NTM: variants seen among roughly 807,000 people sequenced by gnomAD.
The protein encoded by NTM is neurotrimin.
Under a neutral mutation model 42.1 loss-of-function variants are expected in NTM, and 13 were observed. That is an observed-to-expected ratio of 0.31 (90% confidence interval 0.20 to 0.49). The LOEUF is 0.49. Ranked by LOEUF, NTM falls within the 20% of genes least tolerant of loss-of-function variation. NTM has a pLI of 0.99. For synonymous variants in NTM, 187 were observed against 179.2 expected, an observed-to-expected ratio of 1.04 and a Z score of -0.35; for missense variants, 373 against 452.8, an observed-to-expected ratio of 0.82 and a Z score of 1.60.
chr11:132,292,903 G>T (rs1482832780), intron 4 of NTM, among the ~76,000 whole-genome samples: 1 of 151,704 alleles, frequency 6.6e-6, no homozygotes, highest in Non-Finnish European at 1.5e-5. Context: ...TAAAAAGGTA[G>T]GAAGTTATGG....
At chr11:132,010,392 A>G (rs947579861) in intron 2 of NTM, among the ~76,000 whole-genome samples, 2 of 152,158 alleles carry the variant, frequency 1.3e-5, no homozygotes, top group Admixed American at 6.5e-5. Flanking sequence ...GATACAGTCT[A>G]AAGGTCAGTC....
chr11:132,200,844 G>A (rs1004786126), intron 3 of NTM, among the ~76,000 whole-genome samples: 5 of 152,298 alleles, frequency 3.3e-5, no homozygotes, highest in East Asian at 3.9e-4. Flanking sequence ...AGGGCAAGAG[G>A]AGAACATTAG....
chr11:132,017,747 C>G (rs149743618), intron 2 of NTM, among the ~76,000 whole-genome samples: 2 of 152,046 alleles, frequency 1.3e-5, no homozygotes, highest in East Asian at 3.9e-4. Flanking sequence ...AGAGAATTGC[C>G]ATCATGATAT....
chr11:132,159,068 C>T lies in NTM; in HGVS notation c.400+12554C>T, dbSNP rs184989993. Among the ~76,000 whole-genome samples the T allele has an allele frequency of 5.0e-3, 758 of 152,282 alleles. 1 individual carries two copies. The highest frequency in any genetic ancestry group is 9.1e-3 in the South Asian group (44 of 4,826). Reference sequence around the variant, plus strand: ...TAAATTAGTTGTATTTCAGAAAGATCTCTGGCATCAGAATGAAGGGTGGAT... The same window carrying T: ...TAAATTAGTTGTATTTCAGAAAGATTTCTGGCATCAGAATGAAGGGTGGAT... On this transcript the variant is annotated intron_variant, in intron 3 of 8. Transcript: ENST00000683400.
At chr11:131,934,796 AC>A (rs2059029783) in intron 2 of NTM, among the ~76,000 whole-genome samples, 1 of 151,898 alleles carries the variant, frequency 6.6e-6, no homozygotes, top group East Asian at 1.9e-4. Context: ...GAGAAGAGAG[AC>A]CCCTGTGTGT....
At chr11:131,932,879 C>T (rs1411111201) in intron 2 of NTM, among the ~76,000 whole-genome samples, 7 of 152,060 alleles carry the variant, frequency 4.6e-5, no homozygotes, top group African/African-American at 7.2e-5. Flanking sequence ...TTTAACTGCC[C>T]GGGACACACA....
rs180918250 is a variant in NTM at position 131,416,813 on chromosome 11, G to A, written c.82+45925G>A. Among the ~76,000 whole-genome samples the A allele has an allele frequency of 1.4e-4, 22 of 152,310 alleles. No homozygotes were observed. The East Asian group carries it at 3.5e-3, about 24-fold the overall frequency. ...AAACAGAATTTGAATTAAAGAGTGG[G>A]TTGGAAGATTGGGAGGAATGTTAGC... is the stretch of plus-strand genomic sequence containing the variant. On this transcript the variant is annotated intron_variant, in intron 1 of 8. Coordinates refer to ENST00000683400, the MANE Select transcript of NTM (RefSeq NM_001352005.2).
chr11:131,994,167 G>C (rs1326336101), intron 2 of NTM, among the ~76,000 whole-genome samples: 1 of 152,124 alleles, frequency 6.6e-6, no homozygotes, highest in Non-Finnish European at 1.5e-5. Flanking sequence ...ATTGGATTTG[G>C]CTAGTGACAA....
At chr11:132,310,592 C>A (rs144960997) in intron 6 of NTM, among the ~76,000 whole-genome samples, 1 of 151,962 alleles carries the variant, frequency 6.6e-6, no homozygotes, top group Non-Finnish European at 1.5e-5. Flanking sequence ...CTCAGGCTTG[C>A]GTAAAGGAGT....
chr11:131,638,019 A>G (rs1219600686), intron 1 of NTM, among the ~76,000 whole-genome samples: 1 of 152,134 alleles, frequency 6.6e-6, no homozygotes, highest in Non-Finnish European at 1.5e-5. Context: ...ACCAGGTCAC[A>G]TGGCTACACC....
intron 2 of NTM, among the ~76,000 whole-genome samples, chr11:132,137,106 A>C (rs1229730772): frequency 6.6e-6 from 1 of 152,234 alleles, no homozygotes; most frequent in Non-Finnish European, 1.5e-5. Context: ...TGTAACAATC[A>C]GTTTAATCAG....
intron 4 of NTM, among the ~76,000 whole-genome samples, chr11:132,252,576 A>G (rs2092063812): frequency 6.6e-6 from 1 of 152,242 alleles, no homozygotes; most frequent in African/African-American, 2.4e-5. Context: ...CCAGAGATGT[A>G]GATGGGTAGA....
chr11:131,937,489 C>T (rs1484628762), intron 2 of NTM, among the ~76,000 whole-genome samples: 1 of 152,080 alleles, frequency 6.6e-6, no homozygotes, highest in Non-Finnish European at 1.5e-5. Flanking sequence ...GGAGATGCAG[C>T]GATGCCTTCT....
chr11:131,759,035 C>T (rs897725460), intron 1 of NTM, among the ~76,000 whole-genome samples: 4 of 152,200 alleles, frequency 2.6e-5, no homozygotes, highest in African/African-American at 4.8e-5. Flanking sequence ...GAAGTTTGGT[C>T]TAGAGTCATC....
chr11:131,568,626 C>T (rs539074324), intron 1 of NTM, among the ~76,000 whole-genome samples: 1 of 152,320 alleles, frequency 6.6e-6, no homozygotes, highest in African/African-American at 2.4e-5. Flanking sequence ...TCAACACCAC[C>T]ACTGAGACAA....
At chr11:132,160,176 G>C (rs527813864) in intron 3 of NTM, among the ~76,000 whole-genome samples, 4 of 152,216 alleles carry the variant, frequency 2.6e-5, no homozygotes, top group Non-Finnish European at 4.4e-5. Flanking sequence ...GCAGCATGCT[G>C]CCCATTTGGG....
At chr11:131,494,274 C>A (rs1955105363) in intron 1 of NTM, among the ~76,000 whole-genome samples, 1 of 152,106 alleles carries the variant, frequency 6.6e-6, no homozygotes, top group Non-Finnish European at 1.5e-5. Context: ...ACCAATAAGC[C>A]ATGATATTGA....
intron 1 of NTM, among the ~76,000 whole-genome samples, chr11:131,552,589 G>A (rs1433248573): frequency 6.6e-6 from 1 of 151,548 alleles, no homozygotes; most frequent in Admixed American, 6.6e-5. Context: ...GCTGAGGCAG[G>A]TGAATCATGA....
intron 2 of NTM, among the ~76,000 whole-genome samples, chr11:132,110,989 A>G (rs1253597439): frequency 2.7e-5 from 4 of 148,222 alleles, no homozygotes; most frequent in Non-Finnish European, 4.5e-5. Context: ...GATTGAAACC[A>G]GGAGGTCAGA....
Sources: gnomAD v4.1 joint callset for allele counts (sites outside exome capture counted in the v4.1 genomes callset) on GRCh38, gnomAD v4.1.1 for gene constraint, MANE v1.5 for transcripts, NCBI Gene and HGNC (gene_info 2026-07-23, HGNC 2026-07-21) for gene names.